Variants in ACYP2 observed in about 807,000 individuals in gnomAD.
ACYP2 encodes acylphosphatase 2, also known as acylphosphatase-2.
Under a neutral mutation model 11.2 loss-of-function variants are expected in ACYP2, and 12 were observed. The observed-to-expected ratio is 1.08, with a 90% CI of 0.69 to 1.74. The LOEUF is 1.74. ACYP2 is among the 40% of genes most tolerant of loss of function. The pLI, the probability that ACYP2 is intolerant of heterozygous loss-of-function variation, is 0.00. For missense variants in ACYP2, 134 were observed against 101.9 expected (o/e 1.31, Z -1.35); for synonymous variants, 43 against 32.2 (o/e 1.33, Z -1.13).
At chr2:54,098,141 T>C (rs1463720090) in intron 4 of ACYP2, among the ~76,000 whole-genome samples, 1 of 151,936 alleles carries the variant, frequency 6.6e-6, no homozygotes, top group Non-Finnish European at 1.5e-5. Flanking sequence ...TTTTTAAAAA[T>C]TATTTTTAGT....
intron 6 of ACYP2, among the ~76,000 whole-genome samples, chr2:54,172,010 G>A (rs1683240260): frequency 6.6e-6 from 1 of 151,956 alleles, no homozygotes; most frequent in South Asian, 2.1e-4. Flanking sequence ...GCCTAGCAGT[G>A]CAAGATCAGC....
At chr2:53,987,710 G>C (rs958477432) in intron 2 of ACYP2, among the ~76,000 whole-genome samples, 1 of 152,086 alleles carries the variant, frequency 6.6e-6, no homozygotes, top group African/African-American at 2.4e-5. Flanking sequence ...GATTTAATTT[G>C]CATTCTTCTA....
chr2:54,091,016 ATTTAAAATACATTTTTCTATT>A (rs1678195803), intron 4 of ACYP2, among the ~76,000 whole-genome samples: 1 of 152,212 alleles, frequency 6.6e-6, no homozygotes, highest in Non-Finnish European at 1.5e-5. Context: ...TTGTTGATTG[ATTTAAAATACATTTTTCTATT>A]TTTAAAATAG....
chr2:53,992,696 T>A (rs1672358678), intron 2 of ACYP2, among the ~76,000 whole-genome samples: 1 of 151,786 alleles, frequency 6.6e-6, no homozygotes, highest in Non-Finnish European at 1.5e-5. Context: ...CTGGGCATGG[T>A]GGTGTGCACC....
chr2:54,091,775 G>T (rs1316587031), intron 4 of ACYP2, among the ~76,000 whole-genome samples: 1 of 152,114 alleles, frequency 6.6e-6, no homozygotes, highest in Non-Finnish European at 1.5e-5. Context: ...GCCTCCCAAA[G>T]TGCGGGGATT....
chr2:54,094,951 T>G (rs1572736767), intron 4 of ACYP2, among the ~76,000 whole-genome samples: 1 of 151,620 alleles, frequency 6.6e-6, no homozygotes, highest in Non-Finnish European at 1.5e-5. Flanking sequence ...TTTGGCAGGG[T>G]CATAGGACAA....
At chr2:54,119,664 T>G (rs1680030676) in intron 4 of ACYP2, among the ~76,000 whole-genome samples, 1 of 152,246 alleles carries the variant, frequency 6.6e-6, no homozygotes, top group Non-Finnish European at 1.5e-5. Flanking sequence ...TTGCTTGAGT[T>G]TATTGCAGAA....
chr2:54,228,795 C>T (rs1048927216), intron 6 of ACYP2, among the ~76,000 whole-genome samples: 1 of 152,020 alleles, frequency 6.6e-6, no homozygotes, highest in Non-Finnish European at 1.5e-5. Context: ...ATGGGAGTCT[C>T]CCATAAAGTA....
At chr2:54,259,424 T>C (rs1362636382) in intron 6 of ACYP2, among the ~76,000 whole-genome samples, 3 of 151,866 alleles carry the variant, frequency 2.0e-5, no homozygotes, top group Non-Finnish European at 4.4e-5. Context: ...ACTCCAAAAG[T>C]ATAAGGTCAA....
intron 6 of ACYP2, chr2:54,141,752 AC>A: frequency 2.3e-6 from 1 of 436,100 alleles, no homozygotes; most frequent in East Asian, 3.2e-5. Context: ...AGATACTTTT[AC>A]CTATTTAACT....
chr2:54,061,253 A>G (rs1479121964), intron 4 of ACYP2, among the ~76,000 whole-genome samples: 1 of 152,210 alleles, frequency 6.6e-6, no homozygotes, highest in Non-Finnish European at 1.5e-5. Context: ...GAAATATTAC[A>G]TTATTAAAAA....
chr2:54,094,493 T>C lies in ACYP2; in HGVS notation c.277+37133T>C, dbSNP rs531815657. Among the ~76,000 whole-genome samples, 13 of 152,104 alleles carry C rather than the reference T, an allele frequency of 8.5e-5. No homozygotes were observed. The East Asian group carries it at 1.9e-3, about 23-fold the overall frequency. The stretch of plus-strand genomic sequence containing the variant: ...ATCTACCCACCTCGGCCTCCCAAAG[T>C]GCTGGGATTACAGGTGTGAGCCACC... On this transcript the variant is annotated intron_variant, in intron 4 of 6. Coordinates refer to ENST00000607452, the MANE Select transcript of ACYP2 (RefSeq NM_001320586.2).
At chr2:54,165,692 G>A (rs1682938929) in intron 6 of ACYP2, among the ~76,000 whole-genome samples, 1 of 152,052 alleles carries the variant, frequency 6.6e-6, no homozygotes, top group Non-Finnish European at 1.5e-5. Context: ...CCTGATCATT[G>A]GTGCCTTAGA....
At chr2:54,208,837 T>C (rs17045642) in intron 6 of ACYP2, among the ~76,000 whole-genome samples, 7,640 of 152,192 alleles carry the variant, frequency 0.05, 614 homozygotes, top group African/African-American at 0.17. Context: ...ATTTGTTGCA[T>C]TGTGTCCTCA....
At chr2:54,223,634 C>T (rs1685889233) in intron 6 of ACYP2, among the ~76,000 whole-genome samples, 1 of 152,194 alleles carries the variant, frequency 6.6e-6, no homozygotes, top group South Asian at 2.1e-4. Context: ...AAACTACTCT[C>T]TTATCTTGCA....
At chr2:54,232,473 C>A (rs1022082778) in intron 6 of ACYP2, among the ~76,000 whole-genome samples, 52 of 151,624 alleles carry the variant, frequency 3.4e-4, no homozygotes, top group African/African-American at 1.2e-3. Context: ...TTAGTTTAGA[C>A]CTACACCCGA....
intron 6 of ACYP2, among the ~76,000 whole-genome samples, chr2:54,240,727 G>T (rs953553596): frequency 6.6e-6 from 1 of 152,104 alleles, no homozygotes; most frequent in Non-Finnish European, 1.5e-5. Context: ...TCTGGCAAAC[G>T]GGGTGGGGAA....
At chr2:54,207,245 T>C (rs990463050) in intron 6 of ACYP2, among the ~76,000 whole-genome samples, 1 of 147,024 alleles carries the variant, frequency 6.8e-6, no homozygotes, top group African/African-American at 2.5e-5. Context: ...GCAATTATGA[T>C]GGTGGGCAAG....
At chr2:54,008,470 G>A (rs1406150944) in intron 2 of ACYP2, among the ~76,000 whole-genome samples, 2 of 152,108 alleles carry the variant, frequency 1.3e-5, no homozygotes, top group East Asian at 3.9e-4. Context: ...TAGTCTGAAG[G>A]CTAATTAGAA....
Sources: allele counts gnomAD v4.1 joint callset (sites outside exome capture counted in the v4.1 genomes callset), GRCh38; gene constraint gnomAD v4.1.1; transcripts MANE v1.5; gene names NCBI Gene and HGNC (gene_info 2026-07-23, HGNC 2026-07-21).